SMG5: variants seen among roughly 807,000 people sequenced by gnomAD.
The protein encoded by SMG5 is nonsense-mediated mRNA decay factor SMG5.
Under a neutral mutation model 122.9 loss-of-function variants are expected in SMG5, and 53 were observed. The ratio of observed to expected loss-of-function variants is 0.43; its 90% CI spans 0.35 to 0.54. The LOEUF (loss-of-function observed/expected upper bound fraction) is 0.54, where lower values mean the gene tolerates loss of function less well. Among genes scored for constraint, SMG5 ranks in the 20% least tolerant of loss-of-function variants. The pLI is 0.01. For synonymous variants in SMG5, 477 were observed against 490.2 expected (o/e 0.97, Z 0.35); for missense variants, 1,153 against 1,285.6 (o/e 0.90, Z 1.58).
chr1:156,285,914 C>T (rs1170329541), upstream of SMG5: 1 of 1,540,044 alleles, frequency 6.5e-7, no homozygotes, highest in Non-Finnish European at 8.8e-7. Context: ...CCCACGGCTG[C>T]CCACCATGAG....
chr1:156,253,275 A>C (rs1437531945), intron 17 of SMG5, among the ~76,000 whole-genome samples, 174 bp downstream of exon 17: 1 of 152,184 alleles, frequency 6.6e-6, no homozygotes, highest in Admixed American at 6.5e-5. Flanking sequence ...GAAGGCAGAA[A>C]GGAGGCAAAT....
chr1:156,287,880 A>C, the SMG5 span, among the ~76,000 whole-genome samples: 1 of 151,760 alleles, frequency 6.6e-6, no homozygotes, highest in African/African-American at 2.4e-5. Context: ...AGCCTCCCAA[A>C]GTACTGGGAT....
the SMG5 span, chr1:156,291,266 C>A: frequency 2.4e-6 from 2 of 825,428 alleles, no homozygotes; most frequent in African/African-American, 1.7e-5. Flanking sequence ...TTTGGAAGTA[C>A]CAGCCATACC....
chr1:156,270,885 T>C (rs1260037500), intron 7 of SMG5, among the ~76,000 whole-genome samples: 2 of 151,994 alleles, frequency 1.3e-5, no homozygotes, highest in African/African-American at 4.8e-5. Context: ...TGCATGTCTG[T>C]AATCCTAGCT....
intron 12 of SMG5, among the ~76,000 whole-genome samples, chr1:156,264,738 T>G (rs1356753426): frequency 6.6e-6 from 1 of 152,018 alleles, no homozygotes; most frequent in African/African-American, 2.4e-5. Flanking sequence ...TATAAAAGTT[T>G]GGAGGGGCTA....
At chr1:156,267,807 G>C (rs748759193) in intron 9 of SMG5, 129 bp from the exon 10 acceptor site, 28 of 820,198 alleles carry the variant, frequency 3.4e-5, no homozygotes, top group Middle Eastern at 3.6e-4. Flanking sequence ...CACCAGGGAA[G>C]GGTAGTGCTG....
At chr1:156,259,762 T>G (rs1661737825) in intron 15 of SMG5, among the ~76,000 whole-genome samples, 1 of 152,176 alleles carries the variant, frequency 6.6e-6, no homozygotes, top group South Asian at 2.1e-4. Context: ...ACTCCTGAGC[T>G]CAAGCGATCC....
chr1:156,256,989 C>T (rs1460986983), intron 16 of SMG5, among the ~76,000 whole-genome samples: 5 of 150,396 alleles, frequency 3.3e-5, no homozygotes, highest in South Asian at 2.1e-4. Context: ...TGCAGTGGCA[C>T]GATCTTGACT....
intron 16 of SMG5, among the ~76,000 whole-genome samples, chr1:156,255,400 G>A (rs918278148): frequency 1.3e-5 from 2 of 151,834 alleles, no homozygotes; most frequent in African/African-American, 4.8e-5. Flanking sequence ...TTAGCCAGTC[G>A]TGGTGGCGAG....
chr1:156,284,666 G>A (rs1418961711), upstream of SMG5, among the ~76,000 whole-genome samples: 1 of 152,180 alleles, frequency 6.6e-6, no homozygotes, highest in African/African-American at 2.4e-5. Flanking sequence ...GCCTGGAACT[G>A]CCAGCTCTTT....
At position 156,259,338 on chromosome 1, in the gene SMG5, C is replaced by T. The variant is rs564428738; in HGVS notation, c.2284-175G>A. Among the ~76,000 whole-genome samples, 6 of 151,960 alleles carry T rather than the reference C, an allele frequency of 3.9e-5. No homozygotes were observed. In the East Asian group the frequency reaches 9.7e-4, roughly 25 times the overall value. On this transcript the variant is annotated intron_variant, in intron 15 of 21. Coordinates refer to ENST00000361813, the MANE Select transcript of SMG5 (RefSeq NM_015327.3). ...GGGGTGGGAAGGAGAAACACTAAGG[C>T]CCAGAGCCTCTAACTGCCAGAAAAC... is the stretch of plus-strand genomic sequence containing the variant.
At position 156,268,198 on chromosome 1, in the gene SMG5, G is replaced by A. The variant is rs1210848236; in HGVS notation, c.840-15C>T. On this transcript the variant is annotated splice_polypyrimidine_tract_variant and intron_variant, in intron 8 of 21. Transcript: ENST00000361813. ...TGTCTTTACATCTGAAATGAGAAGA[G>A]CCCAAAGTAAATGCTGAATGGTCCC... 1.9e-6 allele frequency: 3 copies of A among 1,614,120 alleles called. No homozygotes were observed. The highest frequency in any genetic ancestry group is 1.3e-5 in the African/African-American group (1 of 75,036).
At chr1:156,277,011 A>G in intron 4 of SMG5, 74 bp downstream of exon 4, 1 of 1,510,668 alleles carries the variant, frequency 6.6e-7, no homozygotes, top group Non-Finnish European at 9.0e-7. Context: ...CGCAAGCTAC[A>G]TGAACCCTGA....
intron 16 of SMG5, 114 bp from the exon 17 acceptor site, chr1:156,253,622 C>G (rs1164967523): frequency 1.1e-6 from 1 of 899,030 alleles, no homozygotes; most frequent in East Asian, 2.4e-5. Flanking sequence ...CAAAGTCACT[C>G]TCTAGCACTG....
chr1:156,264,754 G>A (rs1486871044), intron 12 of SMG5, among the ~76,000 whole-genome samples: 1 of 152,116 alleles, frequency 6.6e-6, no homozygotes, highest in Admixed American at 6.5e-5. Flanking sequence ...GGCTAGGTGT[G>A]GCGGCTCACA....
rs376736804 is a variant in SMG5, at chr1:156,267,674, C to T, written c.913G>A (p.Val305Met). The change falls in exon 10 of 22, where the codon GTG (valine) becomes ATG (methionine). Residue 305 changes from valine to methionine, a missense_variant. This residue lies in a region of SMG5 where 631 missense variants were observed against 650.6 expected (regional missense o/e 0.97). Coordinates refer to ENST00000361813, the MANE Select transcript of SMG5 (RefSeq NM_015327.3). ...CAAAGTGAGGTCAGCTCTGAGTCCACGGAGCTACAGAGGGGCAGGAGTAAC... is the reference window on the plus strand; with the variant it reads ...CAAAGTGAGGTCAGCTCTGAGTCCATGGAGCTACAGAGGGGCAGGAGTAAC... Reference protein sequence around the residue: ...QSLLQPKSSSVDSELTSLCQS... With the variant: ...QSLLQPKSSSMDSELTSLCQS... The T allele has an allele frequency of 2.2e-5, 35 of 1,607,332 alleles. No homozygotes were observed. The highest frequency in any genetic ancestry group is 2.1e-4 in the Middle Eastern group (1 of 4,846).
intron 12 of SMG5, among the ~76,000 whole-genome samples, chr1:156,264,463 T>A (rs922578855): frequency 2.6e-5 from 4 of 151,942 alleles, no homozygotes; most frequent in Non-Finnish European, 4.4e-5. Context: ...CAGCAATAAG[T>A]AAGAAATATT....
chr1:156,285,430 C>T (rs1663120720), upstream of SMG5: 1 of 1,612,556 alleles, frequency 6.2e-7, no homozygotes, highest in Non-Finnish European at 8.5e-7. Context: ...GTCTAGACAG[C>T]ACAGTAAGTG....
rs144991356 is a variant in SMG5, at chr1:156,276,127, CTTTT to C, written c.454+954_454+957del. On this transcript the variant is annotated intron_variant, in intron 4 of 21. Coordinates refer to ENST00000361813, the MANE Select transcript of SMG5 (RefSeq NM_015327.3). The stretch of plus-strand genomic sequence containing the variant: ...CACCACGCCTGGTCTAGAGGTTTGG[CTTTT>C]TTTTTTTTTTTTTGAGACAGAGTCT... Among the ~76,000 whole-genome samples, 10 of 128,738 alleles carry C rather than the reference CTTTT, an allele frequency of 7.8e-5. No homozygotes were observed. In the East Asian group the frequency reaches 9.0e-4, roughly 12 times the overall value. The allele number at this position is 128,738 out of a possible 152,430, so 84.5% of individuals were successfully genotyped here.
Sources: allele counts gnomAD v4.1 joint callset (sites outside exome capture counted in the v4.1 genomes callset), GRCh38; gene constraint gnomAD v4.1.1; regional missense constraint gnomAD v4.1.1; transcripts MANE v1.5; gene names NCBI Gene and HGNC (gene_info 2026-07-23, HGNC 2026-07-21).